CFAP95: variants seen among roughly 807,000 people sequenced by gnomAD.
CFAP95 encodes the protein cilia- and flagella-associated protein 95.
the CFAP95 span, among the ~76,000 whole-genome samples, chr9:69,859,218 C>T: frequency 6.6e-6 from 1 of 152,100 alleles, no homozygotes. Context: ...TTGTCCTGAT[C>T]CTAAAACTTT....
the CFAP95 span, among the ~76,000 whole-genome samples, chr9:69,837,538 A>G: frequency 6.6e-6 from 1 of 152,162 alleles, no homozygotes; most frequent in Non-Finnish European, 1.5e-5. Flanking sequence ...TCTTTTGAGA[A>G]GTGTCTGTTC....
At chr9:69,861,630 T>G in the CFAP95 span, among the ~76,000 whole-genome samples, 1 of 151,034 alleles carries the variant, frequency 6.6e-6, no homozygotes, top group African/African-American at 2.4e-5. Flanking sequence ...TAGGATTCAT[T>G]CAGCTTTCTG....
At chr9:69,839,997 A>G in the CFAP95 span, among the ~76,000 whole-genome samples, 2 of 151,598 alleles carry the variant, frequency 1.3e-5, no homozygotes, top group African/African-American at 4.8e-5. Flanking sequence ...GAATCGCTTG[A>G]ACCCAGGAGG....
At chr9:69,874,498 CA>C in the CFAP95 span, among the ~76,000 whole-genome samples, 8 of 151,924 alleles carry the variant, frequency 5.3e-5, no homozygotes, top group African/African-American at 1.9e-4. Context: ...TTTTCTTGGG[CA>C]AAAAGGACAG....
chr9:69,830,135 C>T, the CFAP95 span, among the ~76,000 whole-genome samples: 1 of 152,152 alleles, frequency 6.6e-6, no homozygotes. Context: ...GTATGGGAAA[C>T]ATGGCTGCTG....
At chr9:69,829,276 C>T in the CFAP95 span, among the ~76,000 whole-genome samples, 10 of 152,292 alleles carry the variant, frequency 6.6e-5, no homozygotes, top group African/African-American at 2.4e-4. Flanking sequence ...ACTCAGCCTC[C>T]TTTTGCCCTG....
the CFAP95 span, among the ~76,000 whole-genome samples, chr9:69,864,746 C>T: frequency 1.3e-5 from 2 of 152,072 alleles, no homozygotes; most frequent in East Asian, 3.9e-4. Flanking sequence ...ACATTAGCAT[C>T]TATAAAACCT....
the CFAP95 span, among the ~76,000 whole-genome samples, chr9:69,895,369 C>CTGTGTTTGTGTG: frequency 9.3e-6 from 1 of 107,848 alleles, no homozygotes; most frequent in African/African-American, 3.8e-5. Context: ...CTCTCTCTCT[C>CTGTGTTTGTGTG]TGTGTGTGTG....
chr9:69,892,796 A>G, the CFAP95 span, among the ~76,000 whole-genome samples: 23,420 of 152,130 alleles, frequency 0.15, 1,856 homozygotes, highest in East Asian at 0.27. Context: ...TCAGAGGGAC[A>G]GTTCGTTGAG....
At chr9:69,849,736 G>A in the CFAP95 span, among the ~76,000 whole-genome samples, 3 of 152,140 alleles carry the variant, frequency 2.0e-5, no homozygotes, top group African/African-American at 7.2e-5. Flanking sequence ...TCAATGGTGG[G>A]ATAATTGATT....
the CFAP95 span, chr9:69,858,043 G>C: frequency 4.0e-6 from 6 of 1,497,050 alleles, no homozygotes; most frequent in Non-Finnish European, 3.7e-6. Flanking sequence ...TTGTTTGCAG[G>C]GGCAAAGGTA....
the CFAP95 span, among the ~76,000 whole-genome samples, chr9:69,845,827 G>T: frequency 6.6e-6 from 1 of 152,110 alleles, no homozygotes; most frequent in South Asian, 2.1e-4. Flanking sequence ...TTTACCTCTT[G>T]CTCCATAGCC....
the CFAP95 span, among the ~76,000 whole-genome samples, chr9:69,851,608 A>G: frequency 6.6e-6 from 1 of 152,118 alleles, no homozygotes; most frequent in Admixed American, 6.6e-5. Context: ...TTAAATATTT[A>G]ATTGAGACTA....
chr9:69,857,502 A>C, the CFAP95 span, among the ~76,000 whole-genome samples: 1 of 152,158 alleles, frequency 6.6e-6, no homozygotes, highest in Non-Finnish European at 1.5e-5. Flanking sequence ...ATCATCATAA[A>C]AATCTAACCC....
At chr9:69,832,416 G>C in the CFAP95 span, among the ~76,000 whole-genome samples, 2 of 152,080 alleles carry the variant, frequency 1.3e-5, no homozygotes, top group African/African-American at 2.4e-5. Flanking sequence ...TCAGTGTGGC[G>C]CGTGTAATGT....
chr9:69,888,342 G>T, the CFAP95 span, among the ~76,000 whole-genome samples: 1 of 152,070 alleles, frequency 6.6e-6, no homozygotes, highest in Non-Finnish European at 1.5e-5. Context: ...AACAGCAAAT[G>T]TGGTAGTTTA....
the CFAP95 span, among the ~76,000 whole-genome samples, chr9:69,845,800 A>G: frequency 2.0e-5 from 3 of 152,002 alleles, no homozygotes; most frequent in African/African-American, 4.8e-5. Context: ...TGGCATCTCT[A>G]TTTCTCTCTG....
chr9:69,863,421 G>C, the CFAP95 span, among the ~76,000 whole-genome samples: 2 of 152,152 alleles, frequency 1.3e-5, no homozygotes, highest in African/African-American at 4.8e-5. Flanking sequence ...CATGAATATA[G>C]TTAGTAAGTC....
chr9:69,902,388 T>C, the CFAP95 span: 2 of 448,708 alleles, frequency 4.5e-6, no homozygotes, highest in Non-Finnish European at 8.9e-6. Flanking sequence ...TCCTCAAAAC[T>C]GTGAGTGGGA....
Sources: gnomAD v4.1 joint callset for allele counts (sites outside exome capture counted in the v4.1 genomes callset) on GRCh38, gnomAD v4.1.1 for gene constraint, MANE v1.5 for transcripts, NCBI Gene and HGNC (gene_info 2026-07-23, HGNC 2026-07-21) for gene names.